CDH4: variants seen among roughly 807,000 people sequenced by gnomAD.
CDH4 encodes cadherin-4.
In CDH4, 33 loss-of-function variants were observed where a neutral mutation model predicts 86.0. That is an observed-to-expected ratio of 0.38 (90% CI 0.29 to 0.51). CDH4 has a LOEUF of 0.51. CDH4 is among the 20% of genes least tolerant of loss of function. CDH4 has a pLI of 0.86. For synonymous variants in CDH4, 555 were observed against 549.4 expected (o/e 1.01, Z -0.14); for missense variants, 1,114 against 1,307.4 (o/e 0.85, Z 2.28).
chr20:61,441,676 C>T (rs770005791), intron 2 of CDH4, among the ~76,000 whole-genome samples: 2 of 152,170 alleles, frequency 1.3e-5, no homozygotes, highest in Non-Finnish European at 2.9e-5. Context: ...TGTGAGCACA[C>T]ATAGAAAGTA....
intron 2 of CDH4, among the ~76,000 whole-genome samples, chr20:61,278,071 G>T (rs970319971): frequency 2.0e-5 from 3 of 152,190 alleles, no homozygotes; most frequent in Non-Finnish European, 2.9e-5. Flanking sequence ...CCTGCTCCGG[G>T]CATCTGTGAG....
intron 2 of CDH4, among the ~76,000 whole-genome samples, chr20:61,734,815 C>G (rs886977102): frequency 1.3e-5 from 2 of 152,242 alleles, no homozygotes; most frequent in Non-Finnish European, 2.9e-5. Flanking sequence ...CACGTGGACA[C>G]AGCGCACACA....
chr20:61,769,142 G>A (rs1381674473), intron 3 of CDH4, among the ~76,000 whole-genome samples: 1 of 152,196 alleles, frequency 6.6e-6, no homozygotes, highest in African/African-American at 2.4e-5. Flanking sequence ...CTGCCCTCGT[G>A]CAGGCACAAA....
At chr20:61,580,701 AGGCTCT>A (rs1182549456) in intron 2 of CDH4, among the ~76,000 whole-genome samples, 1 of 152,048 alleles carries the variant, frequency 6.6e-6, no homozygotes. Flanking sequence ...GTGTTATGGA[AGGCTCT>A]GGCGTCTTTG....
rs2085828057 is a variant in CDH4, at chr20:61,517,172, C to CT, written c.170-226388dup. Among the ~76,000 whole-genome samples, 1 of 152,162 alleles carries CT rather than the reference C, an allele frequency of 6.6e-6. No homozygotes were observed. Among genetic ancestry groups the CT allele is most frequent in the African/African-American group, 2.4e-5 (1 of 41,432 alleles). On this transcript the variant is annotated intron_variant, in intron 2 of 15. Coordinates refer to ENST00000614565, the MANE Select transcript of CDH4 (RefSeq NM_001794.5). The surrounding 1 kb of genome is among the most constrained non-coding windows in gnomAD (Gnocchi z 6.6). ...TTCCAACTTTCTAGATGTTGCCTGACTTTGAACTTCGGGTAAATGGAATCC... is the reference window on the plus strand; with the variant it reads ...TTCCAACTTTCTAGATGTTGCCTGACTTTTGAACTTCGGGTAAATGGAATCC...
At chr20:61,675,289 A>G (rs2427224) in intron 2 of CDH4, among the ~76,000 whole-genome samples, 699 of 101,932 alleles carry the variant, frequency 6.9e-3, no homozygotes, top group Middle Eastern at 0.037. Flanking sequence ...AAGCACTCCC[A>G]TGGAAACAAC....
intron 6 of CDH4, among the ~76,000 whole-genome samples, chr20:61,861,906 A>C (rs1436296463): frequency 6.6e-6 from 1 of 152,152 alleles, no homozygotes; most frequent in East Asian, 1.9e-4. Flanking sequence ...CACCCTCCAG[A>C]AGCGCACTGT....
chr20:61,744,364 G>A (rs1054561249), intron 3 of CDH4, among the ~76,000 whole-genome samples: 3 of 150,716 alleles, frequency 2.0e-5, no homozygotes, highest in African/African-American at 7.3e-5. Flanking sequence ...GGGAGGGAGA[G>A]GAAGAGAGGG....
chr20:61,336,633 C>T (rs918749614), intron 2 of CDH4, among the ~76,000 whole-genome samples: 1 of 152,198 alleles, frequency 6.6e-6, no homozygotes, highest in African/African-American at 2.4e-5. Flanking sequence ...AAGCCAGGGC[C>T]TTCTATAGCC....
At chr20:61,887,774 G>A (rs375035223) in intron 7 of CDH4, among the ~76,000 whole-genome samples, 15 of 152,160 alleles carry the variant, frequency 9.9e-5, no homozygotes, top group African/African-American at 1.2e-4. Context: ...CTTTCCTGCC[G>A]GCCCGTGTCA....
At chr20:61,271,816 C>T (rs1008781511) in intron 2 of CDH4, among the ~76,000 whole-genome samples, 6 of 152,154 alleles carry the variant, frequency 3.9e-5, no homozygotes, top group Non-Finnish European at 7.3e-5. Flanking sequence ...AAGATGAAAA[C>T]GAGGTGTCGC....
At chr20:61,673,791 C>T (rs1484340271) in intron 2 of CDH4, among the ~76,000 whole-genome samples, 4 of 152,064 alleles carry the variant, frequency 2.6e-5, no homozygotes, top group Non-Finnish European at 2.9e-5. Flanking sequence ...GCAAATAACA[C>T]GCGCAAATTA....
At chr20:61,706,952 G>T (rs368519623) in intron 2 of CDH4, among the ~76,000 whole-genome samples, 13 of 152,246 alleles carry the variant, frequency 8.5e-5, no homozygotes, top group African/African-American at 2.2e-4. Flanking sequence ...GTCTTTAGAA[G>T]CTCCTGGATT....
chr20:61,495,671 G>A (rs1441488421), intron 2 of CDH4, among the ~76,000 whole-genome samples: 8 of 152,184 alleles, frequency 5.3e-5, no homozygotes, highest in African/African-American at 1.4e-4. Flanking sequence ...GGGAGGCTGA[G>A]GCAGGTGGAT....
At chr20:61,289,438 G>A (rs932061791) in intron 2 of CDH4, among the ~76,000 whole-genome samples, 1 of 152,184 alleles carries the variant, frequency 6.6e-6, no homozygotes, top group Non-Finnish European at 1.5e-5. Flanking sequence ...CTGCCTGCTC[G>A]TGCCACCAGC....
intron 7 of CDH4, among the ~76,000 whole-genome samples, chr20:61,894,567 G>A (rs897170858): frequency 3.9e-5 from 6 of 152,128 alleles, no homozygotes; most frequent in African/African-American, 1.4e-4. Flanking sequence ...TTTCTAGACC[G>A]AATGCAACCC....
chr20:61,387,159 C>A (rs1358931314), intron 2 of CDH4, among the ~76,000 whole-genome samples: 2 of 150,816 alleles, frequency 1.3e-5, no homozygotes, highest in African/African-American at 2.5e-5. Flanking sequence ...TCTTCTCTAA[C>A]CCCCCTAATA....
At chr20:61,350,557 G>A (rs114346351) in intron 2 of CDH4, among the ~76,000 whole-genome samples, 1,185 of 117,460 alleles carry the variant, frequency 0.01, 89 homozygotes, top group African/African-American at 0.03. Context: ...TCCCACCCAG[G>A]GTCAGGCAGG....
At chr20:61,429,895 C>G (rs940524003) in intron 2 of CDH4, among the ~76,000 whole-genome samples, 1 of 152,208 alleles carries the variant, frequency 6.6e-6, no homozygotes, top group African/African-American at 2.4e-5. Context: ...TGTAGCCTTC[C>G]TCTGGCTGGA....
Sources: allele counts gnomAD v4.1 joint callset (sites outside exome capture counted in the v4.1 genomes callset), GRCh38; gene constraint gnomAD v4.1.1; non-coding constraint Gnocchi (gnomAD v3.1); transcripts MANE v1.5; gene names NCBI Gene and HGNC (gene_info 2026-07-23, HGNC 2026-07-21).